KIAA1328: variants seen among roughly 807,000 people sequenced by gnomAD.
The protein encoded by KIAA1328 is KIAA1328.
A neutral mutation model predicts 68.1 loss-of-function variants in KIAA1328; 52 were observed. The ratio of observed to expected loss-of-function variants is 0.76; its 90% CI spans 0.61 to 0.96. The LOEUF (loss-of-function observed/expected upper bound fraction) is 0.96. Ranked by LOEUF, KIAA1328 falls within the 40% of genes least tolerant of loss-of-function variation. The pLI is 0.00. For synonymous variants in KIAA1328, 232 were observed against 239.4 expected, an observed-to-expected ratio of 0.97 and a Z score of 0.28; for missense variants, 641 against 677.6, an observed-to-expected ratio of 0.95 and a Z score of 0.60.
chr18:37,120,218 AG>A, intron 7 of KIAA1328, among the ~76,000 whole-genome samples: 1 of 115,050 alleles, frequency 8.7e-6, no homozygotes, highest in Non-Finnish European at 1.7e-5. Context: ...CATACCAATT[AG>A]TCTGTGATCT....
At chr18:36,913,521 C>CACACACACACT (rs373001161) in intron 5 of KIAA1328, among the ~76,000 whole-genome samples, 23 of 92,994 alleles carry the variant, frequency 2.5e-4, no homozygotes, top group Admixed American at 8.6e-4. Flanking sequence ...CACACACACA[C>CACACACACACT]ACTTAGAGGA....
chr18:37,146,715 A>G (rs1400741476), intron 7 of KIAA1328, among the ~76,000 whole-genome samples: 2 of 152,198 alleles, frequency 1.3e-5, no homozygotes, highest in African/African-American at 4.8e-5. Flanking sequence ...TGTAGAGATT[A>G]CAATATGTGT....
intron 4 of KIAA1328, among the ~76,000 whole-genome samples, chr18:36,848,637 C>T (rs1245320505): frequency 1.6e-5 from 2 of 122,394 alleles, no homozygotes; most frequent in Non-Finnish European, 3.2e-5. Context: ...TTTGCCTTTT[C>T]TTGTTCTTGA....
At chr18:37,178,571 C>T (rs1456555725) in intron 9 of KIAA1328, among the ~76,000 whole-genome samples, 4 of 149,814 alleles carry the variant, frequency 2.7e-5, no homozygotes, top group Admixed American at 6.6e-5. Flanking sequence ...TTTGACATAC[C>T]GGTTTCATTT....
rs369642177 is a variant in KIAA1328 at position 36,885,677 on chromosome 18, C to T, written c.448+5C>T. On this transcript the variant is annotated splice_donor_5th_base_variant and intron_variant, in intron 5 of 9. Coordinates refer to ENST00000280020, the MANE Select transcript of KIAA1328 (RefSeq NM_020776.3). ...TGATCATCAAAGAAAGGGAAGATAT[C>T]CTTTTGAAAGTTCTCTTTTTTAACG... is the stretch of plus-strand genomic sequence containing the variant. The T allele has an allele frequency of 2.4e-5, 36 of 1,515,016 alleles. No individual in the cohort carries two copies. Among genetic ancestry groups the T allele is most frequent in the Non-Finnish European group, 3.0e-5 (33 of 1,115,388 alleles). The allele number at this position is 1,515,016 out of a possible 1,614,324, so 93.8% of individuals were successfully genotyped here.
intron 6 of KIAA1328, among the ~76,000 whole-genome samples, chr18:37,002,218 ATTTTTTTTTCTTTTTTTTTT>A (rs1568276908): frequency 2.5e-5 from 3 of 119,978 alleles, no homozygotes; most frequent in African/African-American, 9.1e-5. Context: ...CTTTTTCTTC[ATTTTTTTTTCTTTTTTTTTT>A]TTTTTTTTTT....
intron 4 of KIAA1328, among the ~76,000 whole-genome samples, chr18:36,865,116 T>TA (rs1339155321): frequency 2.6e-5 from 4 of 152,080 alleles, no homozygotes; most frequent in Admixed American, 6.5e-5. Context: ...TTCTTTTTTT[T>TA]ATGTCTTATA....
intron 5 of KIAA1328, among the ~76,000 whole-genome samples, chr18:36,897,635 A>G (rs1048149859): frequency 2.6e-5 from 4 of 152,062 alleles, no homozygotes; most frequent in African/African-American, 9.7e-5. Context: ...TAGTGAGTTC[A>G]GAGAAAAGTT....
chr18:37,084,672 C>T (rs1012826238), intron 7 of KIAA1328, among the ~76,000 whole-genome samples: 16 of 151,996 alleles, frequency 1.1e-4, no homozygotes, highest in Middle Eastern at 6.8e-3. Flanking sequence ...AGTCTGTTAT[C>T]GGATAATACA....
At chr18:37,220,620 C>T (rs374521507) in intron 9 of KIAA1328, among the ~76,000 whole-genome samples, 1 of 152,174 alleles carries the variant, frequency 6.6e-6, no homozygotes, top group African/African-American at 2.4e-5. Context: ...GGCATTTATA[C>T]TTAATGCTAG....
downstream of KIAA1328, among the ~76,000 whole-genome samples, chr18:37,227,042 C>T (rs146519409): frequency 0.12 from 18,920 of 152,210 alleles, 1,534 homozygotes; most frequent in Non-Finnish European, 0.17. Context: ...GCTGGGATTA[C>T]GGGTGTGAGC....
intron 5 of KIAA1328, among the ~76,000 whole-genome samples, chr18:36,912,165 T>C (rs1178007479): frequency 6.6e-6 from 1 of 152,180 alleles, no homozygotes; most frequent in Non-Finnish European, 1.5e-5. Context: ...ACAGTATCAA[T>C]TACCACAAAT....
chr18:37,074,413 G>T (rs900924690), intron 7 of KIAA1328, among the ~76,000 whole-genome samples: 3 of 152,150 alleles, frequency 2.0e-5, no homozygotes, highest in African/African-American at 7.2e-5. Context: ...ATTTCTCCCT[G>T]TCACTTTCAG....
At chr18:36,845,508 A>G (rs1282200378) in intron 4 of KIAA1328, among the ~76,000 whole-genome samples, 1 of 151,774 alleles carries the variant, frequency 6.6e-6, no homozygotes, top group Non-Finnish European at 1.5e-5. Context: ...TGAGCTGCCA[A>G]GCTTGGAGAA....
At chr18:37,078,009 C>G (rs1385359849) in intron 7 of KIAA1328, among the ~76,000 whole-genome samples, 1 of 152,124 alleles carries the variant, frequency 6.6e-6, no homozygotes, top group Non-Finnish European at 1.5e-5. Context: ...AAAAAAGAGC[C>G]CACATTGCCA....
intron 5 of KIAA1328, among the ~76,000 whole-genome samples, chr18:36,903,895 A>G (rs2049124271): frequency 6.6e-6 from 1 of 152,164 alleles, no homozygotes; most frequent in South Asian, 2.1e-4. Context: ...AGCATCACCA[A>G]CAATATGGGG....
intron 7 of KIAA1328, among the ~76,000 whole-genome samples, chr18:37,111,862 C>G (rs2057940535): frequency 6.6e-6 from 1 of 152,198 alleles, no homozygotes; most frequent in Non-Finnish European, 1.5e-5. Flanking sequence ...AAACAGCACA[C>G]CAGGAGATTA....
At chr18:37,072,021 A>G (rs978892149) in intron 7 of KIAA1328, among the ~76,000 whole-genome samples, 3 of 152,218 alleles carry the variant, frequency 2.0e-5, no homozygotes, top group Admixed American at 1.3e-4. Flanking sequence ...TTTTGCTTAA[A>G]TCATCAAATT....
chr18:37,039,354 A>G (rs2055152204), intron 6 of KIAA1328, among the ~76,000 whole-genome samples: 1 of 151,866 alleles, frequency 6.6e-6, no homozygotes, highest in African/African-American at 2.4e-5. Context: ...TTTTGTGGAA[A>G]TGTTTTTTTC....
Sources: allele counts gnomAD v4.1 joint callset (sites outside exome capture counted in the v4.1 genomes callset), GRCh38; gene constraint gnomAD v4.1.1; transcripts MANE v1.5; gene names NCBI Gene and HGNC (gene_info 2026-07-23, HGNC 2026-07-21).